NRROS: variants seen among roughly 807,000 people sequenced by gnomAD.
NRROS encodes transforming growth factor beta activator LRRC33.
NRROS carries 6 observed loss-of-function variants against 12.0 expected under a neutral mutation model. The observed-to-expected ratio is 0.50, with a 90% CI of 0.27 to 0.98. NRROS has a LOEUF of 0.98. Ranked by LOEUF, NRROS falls within the 50% of genes least tolerant of loss-of-function variation. The pLI, the probability that NRROS is intolerant of heterozygous loss-of-function variation, is 0.11. For missense variants in NRROS, 857 were observed against 888.2 expected, an observed-to-expected ratio of 0.96 and a Z score of 0.45; for synonymous variants, 462 against 410.2, an observed-to-expected ratio of 1.13 and a Z score of -1.53.
intron 1 of NRROS, among the ~76,000 whole-genome samples, chr3:196,647,985 A>G (rs941173128): frequency 2.6e-5 from 4 of 152,232 alleles, no homozygotes; most frequent in African/African-American, 9.6e-5. Flanking sequence ...TGCAGGTGTG[A>G]GCCACTGTGC....
intron 1 of NRROS, among the ~76,000 whole-genome samples, chr3:196,647,333 G>A (rs11720010): frequency 2.6e-5 from 4 of 152,150 alleles, no homozygotes; most frequent in African/African-American, 7.2e-5. Context: ...CAGTTCTTAG[G>A]GGGGGAGAAG....
At chr3:196,643,011 A>C (rs1423301766) in intron 1 of NRROS, among the ~76,000 whole-genome samples, 1 of 151,212 alleles carries the variant, frequency 6.6e-6, no homozygotes, top group African/African-American at 2.4e-5. Flanking sequence ...CGGAGGTTGC[A>C]GTGAGCCGAG....
chr3:196,643,220 G>A lies in NRROS; in HGVS notation c.-14+3345G>A, dbSNP rs556348434. On this transcript the variant is annotated intron_variant, in intron 1 of 2. Coordinates refer to ENST00000328557, the MANE Select transcript of NRROS (RefSeq NM_198565.3). ...TTACCAGAAGGAGAAACGAATGTGA[G>A]TGAGTAGGCGAAACCAACCAATTTC... 4.6e-5 allele frequency among the ~76,000 whole-genome samples: 7 copies of A among 152,374 alleles called. No homozygotes were observed. The South Asian group carries it at 1.2e-3, about 27-fold the overall frequency.
At chr3:196,642,189 C>T (rs1433753242) in intron 1 of NRROS, among the ~76,000 whole-genome samples, 1 of 151,764 alleles carries the variant, frequency 6.6e-6, no homozygotes, top group African/African-American at 2.4e-5. Flanking sequence ...CTCTTATAAG[C>T]CTCACGTGCA....
At chr3:196,649,670 A>G (rs970597086) in intron 1 of NRROS, among the ~76,000 whole-genome samples, 6 of 152,024 alleles carry the variant, frequency 3.9e-5, no homozygotes, top group Admixed American at 3.3e-4. Context: ...ACGGGGTTTC[A>G]CTGTGTTAGC....
At chr3:196,658,798 C>T (rs1737590849) in intron 2 of NRROS, among the ~76,000 whole-genome samples, 1 of 152,122 alleles carries the variant, frequency 6.6e-6, no homozygotes, top group African/African-American at 2.4e-5. Context: ...GAAACCCCGT[C>T]TCTACTAAAA....
rs1418443766 is a variant in NRROS, at chr3:196,646,239, G to T, written c.-14+6364G>T. On this transcript the variant is annotated intron_variant, in intron 1 of 2. Coordinates refer to ENST00000328557, the MANE Select transcript of NRROS (RefSeq NM_198565.3). ...AGCCCAGGGTCCCTTCCTCTACACA[G>T]GTCCCACCTGCTCCTTCTTATCGAG... 5.3e-5 allele frequency among the ~76,000 whole-genome samples: 8 copies of T among 152,206 alleles called. No homozygotes were observed. In the East Asian group the frequency reaches 1.5e-3, roughly 29 times the overall value.
At chr3:196,651,456 A>T (rs534672716) in intron 1 of NRROS, among the ~76,000 whole-genome samples, 2 of 152,212 alleles carry the variant, frequency 1.3e-5, no homozygotes, top group South Asian at 4.1e-4. Flanking sequence ...ATCCTCACCT[A>T]GGTAGGGTGA....
At chr3:196,646,001 G>T (rs187984140) in intron 1 of NRROS, among the ~76,000 whole-genome samples, 59 of 152,340 alleles carry the variant, frequency 3.9e-4, no homozygotes, top group African/African-American at 1.3e-3. Context: ...CCTCCAGTGG[G>T]GGCGTGTCCT....
At chr3:196,648,129 A>C (rs1006594850) in intron 1 of NRROS, among the ~76,000 whole-genome samples, 1 of 152,376 alleles carries the variant, frequency 6.6e-6, no homozygotes, top group South Asian at 2.1e-4. Flanking sequence ...ATCTCTTTTC[A>C]GGAACACTTA....
In NRROS at chr3:196,660,304, G is replaced by C. The variant is rs982639724; in HGVS notation, c.661G>C (p.Val221Leu). 1 of 1,613,828 alleles carries C rather than the reference G, an allele frequency of 6.2e-7. No individual in the cohort carries two copies. The highest frequency in any genetic ancestry group is 1.3e-5 in the African/African-American group (1 of 74,928). ...NLAFNNLPCIVDFGLTRLRVL... is the reference protein window; with the variant it reads ...NLAFNNLPCILDFGLTRLRVL... ...GGCCTTCAACAACCTCCCCTGCATC[G>C]TGGACTTCGGGCTCACGCGGCTGCG... The change falls in exon 3 of 3, where the codon GTG becomes CTG. Residue 221 changes from valine to leucine, a missense_variant. Coordinates refer to ENST00000328557, the MANE Select transcript of NRROS (RefSeq NM_198565.3). This position sits in a 1 kb window ranked among gnomAD's most constrained non-coding sequence, Gnocchi z 7.7.
rs1487192157 is a variant in NRROS, at chr3:196,660,373, AC to A, written c.732del (p.Gly246GlufsTer65). The A allele has an allele frequency of 6.2e-7, 1 of 1,613,826 alleles. No individual in the cohort carries two copies. The highest frequency in any genetic ancestry group is 8.5e-7 in the Non-Finnish European group (1 of 1,179,986). On this transcript the variant is annotated frameshift_variant, in exon 3 of 3. Coordinates refer to ENST00000328557, the MANE Select transcript of NRROS (RefSeq NM_198565.3). LOFTEE classifies it low-confidence loss of function (END_TRUNC). This position sits in a 1 kb window ranked among gnomAD's most constrained non-coding sequence, Gnocchi z 7.7. ...CAACGTCCTGGAGTGGTTCCTCGCG[AC>A]CGGGGGAGAGGCTGCCTTCGAGCTG... is the stretch of plus-strand genomic sequence containing the variant. Reference protein sequence around the residue: ...SYNVLEWFLATGGEAAFELET... With the variant: ...SYNVLEWFLAXGGEAAFELET...
At chr3:196,647,058 C>T (rs1242972727) in intron 1 of NRROS, among the ~76,000 whole-genome samples, 1 of 152,198 alleles carries the variant, frequency 6.6e-6, no homozygotes, top group African/African-American at 2.4e-5. Context: ...TCATTCCTAT[C>T]ATGTAGTTTT....
intron 1 of NRROS, among the ~76,000 whole-genome samples, chr3:196,641,372 C>T (rs958929745): frequency 1.3e-5 from 2 of 151,996 alleles, no homozygotes; most frequent in Admixed American, 1.3e-4. Flanking sequence ...CACCACCATG[C>T]CAGCTAATTT....
chr3:196,658,445 C>T (rs907065464), intron 2 of NRROS, among the ~76,000 whole-genome samples: 11 of 152,170 alleles, frequency 7.2e-5, no homozygotes, highest in South Asian at 6.2e-4. Flanking sequence ...ATAAAGAACC[C>T]GAGGGGCCAA....
At chr3:196,658,834 G>C (rs533392826) in intron 2 of NRROS, among the ~76,000 whole-genome samples, 27 of 152,236 alleles carry the variant, frequency 1.8e-4, no homozygotes, top group African/African-American at 6.5e-4. Flanking sequence ...GCTGGGCGTG[G>C]TGGCATGTGC....
At chr3:196,653,036 G>A (rs552643442) in intron 1 of NRROS, among the ~76,000 whole-genome samples, 29 of 152,280 alleles carry the variant, frequency 1.9e-4, no homozygotes, top group African/African-American at 6.5e-4. Flanking sequence ...ATTTCATGGC[G>A]GGCAGTGGTG....
In NRROS at chr3:196,660,556, C is replaced by T. The variant is rs1577637576; in HGVS notation, c.913C>T (p.Leu305Phe). 2 of 1,614,174 alleles carry T rather than the reference C, an allele frequency of 1.2e-6. No homozygotes were observed. Among genetic ancestry groups the T allele is most frequent in the Non-Finnish European group, 1.7e-6 (2 of 1,180,032 alleles). The change falls in exon 3 of 3, where the codon CTC becomes TTC. Residue 305 changes from leucine to phenylalanine, a missense_variant. By Grantham distance (22) the Leu-to-Phe change is conservative. Coordinates refer to ENST00000328557, the MANE Select transcript of NRROS (RefSeq NM_198565.3). The surrounding 1 kb of genome is among the most constrained non-coding windows in gnomAD (Gnocchi z 7.7). ...SPREMVAQFL[L>F]VDGNVTNITT... is the part of the protein sequence containing the mutation. ...GAGGGAGATGGTGGCCCAGTTCCTC[C>T]TCGTGGACGGCAACGTGACCAACAT...
chr3:196,649,712 C>CT (rs1374160208), intron 1 of NRROS, among the ~76,000 whole-genome samples: 3 of 152,178 alleles, frequency 2.0e-5, no homozygotes, highest in Admixed American at 6.5e-5. Context: ...ACCTCGTGAT[C>CT]ACCCGCCTCG....
Sources: allele counts gnomAD v4.1 joint callset (sites outside exome capture counted in the v4.1 genomes callset), GRCh38; gene constraint gnomAD v4.1.1; non-coding constraint Gnocchi (gnomAD v3.1); transcripts MANE v1.5; gene names NCBI Gene and HGNC (gene_info 2026-07-23, HGNC 2026-07-21).